Variants in AFF3 observed in about 807,000 individuals in gnomAD.
The protein encoded by AFF3 is ALF transcription elongation factor 3, also known as AF4/FMR2 family member 3.
A neutral mutation model predicts 129.7 loss-of-function variants in AFF3; 32 were observed. That is an observed-to-expected ratio of 0.25 (90% CI 0.19 to 0.33). The LOEUF (loss-of-function observed/expected upper bound fraction) is 0.33. AFF3 is among the 10% of genes least tolerant of loss of function. AFF3 has a pLI of 1.00. For synonymous variants in AFF3, 644 were observed against 635.4 expected (o/e 1.01, Z -0.20); for missense variants, 1,373 against 1,592.0 (o/e 0.86, Z 2.34).
intron 7 of AFF3, among the ~76,000 whole-genome samples, chr2:99,847,857 C>T (rs532450409): frequency 6.6e-6 from 1 of 152,264 alleles, no homozygotes; most frequent in South Asian, 2.1e-4. Flanking sequence ...CATTCTAAAG[C>T]CTCTGGGTGG....
At chr2:99,718,814 G>A (rs1025114047) in intron 11 of AFF3, among the ~76,000 whole-genome samples, 4 of 151,020 alleles carry the variant, frequency 2.6e-5, no homozygotes, top group African/African-American at 4.9e-5. Context: ...GCAGTGGCAC[G>A]ATCTCAGCCC....
At chr2:99,701,424 T>C (rs552664145) in intron 11 of AFF3, among the ~76,000 whole-genome samples, 1 of 152,310 alleles carries the variant, frequency 6.6e-6, no homozygotes, top group Admixed American at 6.5e-5. Context: ...ATTAGACAGA[T>C]TAAGACTAAA....
intron 14 of AFF3, among the ~76,000 whole-genome samples, chr2:99,597,937 C>G (rs1383615822): frequency 6.6e-6 from 1 of 152,226 alleles, no homozygotes; most frequent in African/African-American, 2.4e-5. Context: ...GTACCCGCTG[C>G]CATGGACCTC....
At chr2:99,826,712 G>T (rs1486699902) in intron 8 of AFF3, among the ~76,000 whole-genome samples, 1 of 152,134 alleles carries the variant, frequency 6.6e-6, no homozygotes, top group Non-Finnish European at 1.5e-5. Context: ...GGAAGCATAC[G>T]CACGGCCACA....
At chr2:99,744,551 C>G (rs1403737271) in intron 9 of AFF3, among the ~76,000 whole-genome samples, 1 of 152,142 alleles carries the variant, frequency 6.6e-6, no homozygotes, top group Non-Finnish European at 1.5e-5. Flanking sequence ...CCTGCCCTCC[C>G]AATGCCCCAG....
chr2:99,641,776 G>C (rs531329465), intron 13 of AFF3, among the ~76,000 whole-genome samples: 1 of 152,290 alleles, frequency 6.6e-6, no homozygotes, highest in South Asian at 2.1e-4. Context: ...TCCTCACCAA[G>C]AGAGTCGTCG....
intron 11 of AFF3, among the ~76,000 whole-genome samples, chr2:99,724,114 T>C (rs1679144503): frequency 6.6e-6 from 1 of 152,032 alleles, no homozygotes; most frequent in African/African-American, 2.4e-5. Context: ...ATCAGTATGC[T>C]TGCCACTTAA....
chr2:100,008,861 T>A lies in AFF3; in HGVS notation c.125A>T (p.Asp42Val). 4 of 1,614,128 alleles carry A rather than the reference T, an allele frequency of 2.5e-6. No homozygotes were observed. In the South Asian group the frequency reaches 3.3e-5, roughly 13 times the overall value. Residue 42 changes from aspartate to valine, a missense_variant, in exon 5 of 25, where the codon GAT becomes GTT. By Grantham distance (152) the Asp-to-Val change is radical. Transcript: ENST00000672756. ...GTAACTAGAATTAAACGTGCCATCA[T>A]CCTGTTGAGTTTCTTGATTTCTTCT... The part of the protein sequence containing the change: ...RERRNQETQQ[D>V]DGTFNSSYSL...
In AFF3 at chr2:99,547,478, T is replaced by C. The variant is rs1195581165; in HGVS notation, c.*3996A>G. The stretch of plus-strand genomic sequence containing the variant: ...TTACTGGGTCTGAAGAGTGTCTACA[T>C]TGTTAAAAAAATCTTGCTTTTTTTT... On this transcript the variant is annotated 3_prime_UTR_variant, in exon 25 of 25. Coordinates refer to ENST00000672756, the MANE Select transcript of AFF3 (RefSeq NM_001386135.1). The C allele has an allele frequency of 2.5e-5, 5 of 203,960 alleles. No individual in the cohort carries two copies. Among genetic ancestry groups the C allele is most frequent in the Non-Finnish European group, 2.9e-5 (3 of 102,472 alleles). 12.6% of individuals were successfully genotyped at this position (203,960 alleles called of 1,614,324 possible). A position where few individuals can be genotyped will look rare whatever the true frequency, so the allele number is the denominator to read the frequency against.
chr2:100,041,488 C>T (rs1324608323), intron 4 of AFF3, among the ~76,000 whole-genome samples: 1 of 152,158 alleles, frequency 6.6e-6, no homozygotes, highest in Non-Finnish European at 1.5e-5. Flanking sequence ...CTCCATGCCA[C>T]TTATCCTTGG....
chr2:99,563,830 AAAAG>A (rs1488682008), intron 20 of AFF3, among the ~76,000 whole-genome samples: 8 of 149,708 alleles, frequency 5.3e-5, no homozygotes, highest in East Asian at 2.0e-4. Flanking sequence ...AAAAAAAAAA[AAAAG>A]AAAGAAAGAA....
At chr2:99,612,655 C>T (rs951140447) in intron 13 of AFF3, among the ~76,000 whole-genome samples, 1 of 152,148 alleles carries the variant, frequency 6.6e-6, no homozygotes, top group Non-Finnish European at 1.5e-5. Flanking sequence ...GTTGACTTTG[C>T]TTTTTCCCTG....
chr2:99,772,846 A>G (rs1481282725), intron 8 of AFF3, among the ~76,000 whole-genome samples: 1 of 152,166 alleles, frequency 6.6e-6, no homozygotes, highest in Non-Finnish European at 1.5e-5. Context: ...CACCAGATTA[A>G]TCTTCCCCAA....
chr2:99,958,985 T>C (rs1339404168), intron 7 of AFF3, among the ~76,000 whole-genome samples: 6 of 151,846 alleles, frequency 4.0e-5, no homozygotes, highest in Non-Finnish European at 8.8e-5. Flanking sequence ...GGGTCACAGC[T>C]ACTTGGGAGG....
At chr2:99,751,700 T>C (rs1681667452) in intron 9 of AFF3, among the ~76,000 whole-genome samples, 1 of 152,190 alleles carries the variant, frequency 6.6e-6, no homozygotes, top group Non-Finnish European at 1.5e-5. Flanking sequence ...ATTAGACTCA[T>C]GTATATAGTC....
intron 7 of AFF3, among the ~76,000 whole-genome samples, chr2:99,978,946 C>A (rs1311528001): frequency 6.6e-6 from 1 of 151,162 alleles, no homozygotes; most frequent in African/African-American, 2.4e-5. Context: ...TTTGTTACAG[C>A]AGCCCACATA....
chr2:99,760,591 C>T, intron 8 of AFF3, among the ~76,000 whole-genome samples: 1 of 152,230 alleles, frequency 6.6e-6, no homozygotes, highest in East Asian at 1.9e-4. Context: ...TCCCACGTCA[C>T]TGTAGCCATG....
chr2:100,078,266 GA>G (rs1269069355), intron 4 of AFF3, among the ~76,000 whole-genome samples: 1 of 152,188 alleles, frequency 6.6e-6, no homozygotes, highest in Non-Finnish European at 1.5e-5. Flanking sequence ...CTGAAATGCA[GA>G]AGATACTGTA....
intron 13 of AFF3, among the ~76,000 whole-genome samples, chr2:99,621,834 C>T (rs1255963721): frequency 6.6e-6 from 1 of 152,224 alleles, no homozygotes; most frequent in Middle Eastern, 3.4e-3. Context: ...AGGGGGCAAG[C>T]TCCAGGCAAA....
Sources: gnomAD v4.1 joint callset for allele counts (sites outside exome capture counted in the v4.1 genomes callset) on GRCh38, gnomAD v4.1.1 for gene constraint, MANE v1.5 for transcripts, NCBI Gene and HGNC (gene_info 2026-07-23, HGNC 2026-07-21) for gene names.